SLC30A8: variants seen among roughly 807,000 people sequenced by gnomAD.
The protein encoded by SLC30A8 is proton-coupled zinc antiporter SLC30A8.
A neutral mutation model predicts 36.9 loss-of-function variants in SLC30A8; 27 were observed. That is an observed-to-expected ratio of 0.73 (90% CI 0.54 to 1.01). The LOEUF is 1.01. Among genes scored for constraint, SLC30A8 ranks in the 50% least tolerant of loss-of-function variants. The probability of loss-of-function intolerance (pLI) is 0.00; values close to 1 mark genes in which losing one functional copy is unlikely to be tolerated. For synonymous variants in SLC30A8, 164 were observed against 172.4 expected (o/e 0.95, Z 0.38); for missense variants, 439 against 452.0 (o/e 0.97, Z 0.26).
chr8:116,950,851 A>G (rs1409698569), upstream of SLC30A8: 2 of 152,204 alleles, frequency 1.3e-5, no homozygotes, highest in Non-Finnish European at 2.9e-5. Context: ...ACAGTTTACC[A>G]ACTGCTTTCC....
intron 2 of SLC30A8, among the ~76,000 whole-genome samples, chr8:117,092,625 T>C (rs1191655938): frequency 1.3e-5 from 2 of 152,148 alleles, no homozygotes; most frequent in African/African-American, 2.4e-5. Context: ...GAGAGATGCC[T>C]AAAGAGATAG....
upstream of SLC30A8, among the ~76,000 whole-genome samples, chr8:117,132,570 A>G (rs1821180091): frequency 6.6e-6 from 1 of 151,988 alleles, no homozygotes; most frequent in South Asian, 2.1e-4. Flanking sequence ...ACTAAAACCA[A>G]TGTCTACAGG....
At chr8:116,958,668 T>A (rs535732797) in intron 1 of SLC30A8, among the ~76,000 whole-genome samples, 1 of 152,152 alleles carries the variant, frequency 6.6e-6, no homozygotes, top group African/African-American at 2.4e-5. Flanking sequence ...TTTCTTGTGC[T>A]TGGGTATTGT....
At chr8:117,043,464 A>G (rs1221517067) in intron 2 of SLC30A8, among the ~76,000 whole-genome samples, 1 of 152,236 alleles carries the variant, frequency 6.6e-6, no homozygotes, top group Non-Finnish European at 1.5e-5. Flanking sequence ...CACAAAAGTG[A>G]GAGAAGCCTG....
rs1022854284 is a variant in SLC30A8 at position 117,168,033 on chromosome 8, A to G, written c.830-3001A>G. On this transcript the variant is annotated intron_variant, in intron 6 of 7. Transcript: ENST00000456015. ...CAGGAGAACTCCCATTTGTAAAACC[A>G]TCAGATCTGTGAGACTTATTCACTA... 2.6e-5 allele frequency among the ~76,000 whole-genome samples: 4 copies of G among 152,098 alleles called. No homozygotes were observed. The East Asian group carries it at 5.8e-4, about 22-fold the overall frequency.
intron 2 of SLC30A8, among the ~76,000 whole-genome samples, chr8:117,108,548 G>T (rs1296109058): frequency 2.0e-5 from 3 of 152,164 alleles, no homozygotes; most frequent in Non-Finnish European, 4.4e-5. Context: ...CACTGTCTCA[G>T]ATTCTTATAA....
chr8:117,176,171 A>G lies in SLC30A8; in HGVS notation c.*3490A>G, dbSNP rs1437810466. The G allele has an allele frequency of 6.6e-6, 1 of 152,188 alleles. No individual in the cohort carries two copies. The highest frequency in any genetic ancestry group is 1.5e-5 in the Non-Finnish European group (1 of 67,976). The allele number at this position is 152,188 out of a possible 1,614,324, so 9.4% of individuals were successfully genotyped here. ...GGCAAATTTGGATCACTTACTTAAT[A>G]TCTGTTAAATTTTGTGACCCAACAA... is the stretch of plus-strand genomic sequence containing the variant. On this transcript the variant is annotated 3_prime_UTR_variant, in exon 8 of 8. Transcript: ENST00000456015.
chr8:116,974,415 A>G (rs957344443), intron 1 of SLC30A8, among the ~76,000 whole-genome samples: 1 of 152,248 alleles, frequency 6.6e-6, no homozygotes, highest in African/African-American at 2.4e-5. Context: ...ACATTTATGC[A>G]GCCAACAGAC....
intron 1 of SLC30A8, among the ~76,000 whole-genome samples, chr8:117,005,646 C>T (rs1229033480): frequency 6.6e-6 from 1 of 152,190 alleles, no homozygotes; most frequent in Non-Finnish European, 1.5e-5. Context: ...TGAGGAACTG[C>T]CCGAGTGTTT....
Position 117,072,703 on chromosome 8 carries a change from A to G in SLC30A8, c.-226+33445A>G, listed in dbSNP as rs929534656. On this transcript the variant is annotated intron_variant, in intron 2 of 10. Coordinates refer to the SLC30A8 transcript ENST00000427715. ...TCCCAGATGTTTTATAGACCCATCT[A>G]TGTGAGCTGTTTTGTCAGTCTCTAC... is the stretch of plus-strand genomic sequence containing the variant. Among the ~76,000 whole-genome samples, 4 of 152,198 alleles carry G rather than the reference A, an allele frequency of 2.6e-5. No homozygotes were observed. In the South Asian group the frequency reaches 8.3e-4, roughly 32 times the overall value.
chr8:116,964,095 G>A (rs1193233112), intron 1 of SLC30A8, among the ~76,000 whole-genome samples: 1 of 152,126 alleles, frequency 6.6e-6, no homozygotes, highest in African/African-American at 2.4e-5. Context: ...CATAAAATTC[G>A]ATCTGGATAG....
At chr8:116,997,215 A>G (rs920559087) in intron 1 of SLC30A8, among the ~76,000 whole-genome samples, 5 of 152,172 alleles carry the variant, frequency 3.3e-5, no homozygotes, top group Non-Finnish European at 5.9e-5. Context: ...CTAGGGGCTA[A>G]TGGGTTACAA....
rs189956661 is a variant in SLC30A8, at chr8:117,102,322, A to G, written c.-225-32958A>G. ...CTCTAAGAGATGTCTTTTAAATTAA[A>G]TGAATGAGTTGCCTAAATAATTTAT... On this transcript the variant is annotated intron_variant, in intron 2 of 10. Transcript: ENST00000427715. 3.9e-5 allele frequency among the ~76,000 whole-genome samples: 6 copies of G among 152,320 alleles called. No homozygotes were observed. In the East Asian group the frequency reaches 1.2e-3, roughly 29 times the overall value.
chr8:117,080,799 G>A (rs981528743), intron 2 of SLC30A8, among the ~76,000 whole-genome samples: 3 of 152,112 alleles, frequency 2.0e-5, no homozygotes, highest in Non-Finnish European at 4.4e-5. Flanking sequence ...ATGAACACAC[G>A]GGTACATGCA....
At chr8:116,974,249 G>A (rs539733377) in intron 1 of SLC30A8, among the ~76,000 whole-genome samples, 51 of 152,230 alleles carry the variant, frequency 3.4e-4, no homozygotes, top group South Asian at 6.2e-4. Flanking sequence ...AGAGTGAACA[G>A]GCAACCTACA....
chr8:117,125,489 T>A (rs1241156401), intron 2 of SLC30A8, among the ~76,000 whole-genome samples: 1 of 151,962 alleles, frequency 6.6e-6, no homozygotes, highest in Non-Finnish European at 1.5e-5. Flanking sequence ...AATGGAGATG[T>A]GTATGGGAAA....
chr8:117,024,209 C>G (rs1368867307), intron 1 of SLC30A8, among the ~76,000 whole-genome samples: 1 of 152,166 alleles, frequency 6.6e-6, no homozygotes, highest in Non-Finnish European at 1.5e-5. Context: ...CTCCCACAGT[C>G]TGCAAAAAAC....
intron 2 of SLC30A8, among the ~76,000 whole-genome samples, chr8:117,102,863 T>C (rs1383745424): frequency 1.3e-5 from 2 of 152,134 alleles, no homozygotes; most frequent in Non-Finnish European, 2.9e-5. Context: ...TATTTCCAAA[T>C]AGGAAACAGT....
At chr8:117,117,955 G>C (rs983590170) in intron 2 of SLC30A8, among the ~76,000 whole-genome samples, 3 of 151,782 alleles carry the variant, frequency 2.0e-5, no homozygotes, top group African/African-American at 7.2e-5. Context: ...TTCTGGAAAA[G>C]GCTCCAGATA....
Sources: gnomAD v4.1 joint callset for allele counts (sites outside exome capture counted in the v4.1 genomes callset) on GRCh38, gnomAD v4.1.1 for gene constraint, MANE v1.5 for transcripts, NCBI Gene and HGNC (gene_info 2026-07-23, HGNC 2026-07-21) for gene names.